Variants in SPATA16 observed in about 807,000 individuals in gnomAD.
SPATA16 encodes the protein spermatogenesis associated 16.
SPATA16 carries 36 observed loss-of-function variants against 63.3 expected under a neutral mutation model. The observed-to-expected ratio is 0.57, with a 90% confidence interval of 0.44 to 0.75. SPATA16 has a LOEUF of 0.75. Ranked by LOEUF, SPATA16 falls within the 30% of genes least tolerant of loss-of-function variation. SPATA16 has a pLI of 0.00. For missense variants in SPATA16, 646 were observed against 679.3 expected (o/e 0.95, Z 0.54); for synonymous variants, 203 against 216.7 (o/e 0.94, Z 0.56).
intron 4 of SPATA16, among the ~76,000 whole-genome samples, chr3:173,000,602 A>C (rs1734795691): frequency 6.6e-6 from 1 of 152,064 alleles, no homozygotes; most frequent in Non-Finnish European, 1.5e-5. Context: ...GGAAATTCTC[A>C]GTTACTTCAA....
chr3:173,139,567 C>T lies in SPATA16; in HGVS notation c.-19+1536G>A, dbSNP rs148456371. ...GCACTGCTTTTGTTACTATGGCCTA[C>T]AATTGTTGGGGTACCTATTCATTTA... On this transcript the variant is annotated intron_variant, in intron 1 of 10. Coordinates refer to ENST00000351008, the MANE Select transcript of SPATA16 (RefSeq NM_031955.6). 3.3e-5 allele frequency among the ~76,000 whole-genome samples: 5 copies of T among 152,304 alleles called. No homozygotes were observed. In the East Asian group the frequency reaches 7.7e-4, roughly 24 times the overall value.
chr3:173,006,694 C>T (rs1175997972), intron 4 of SPATA16, among the ~76,000 whole-genome samples: 1 of 152,272 alleles, frequency 6.6e-6, no homozygotes, highest in East Asian at 1.9e-4. Flanking sequence ...TACAGTACTT[C>T]TTCTGAGTGA....
At chr3:172,918,759 G>C (rs1044637338) in intron 8 of SPATA16, among the ~76,000 whole-genome samples, 5 of 152,118 alleles carry the variant, frequency 3.3e-5, no homozygotes, top group Non-Finnish European at 7.4e-5. Context: ...TTAGCTGCTG[G>C]AGAGAGTGTA....
At chr3:173,016,092 G>A (rs1735180475) in intron 4 of SPATA16, among the ~76,000 whole-genome samples, 1 of 152,174 alleles carries the variant, frequency 6.6e-6, no homozygotes, top group Non-Finnish European at 1.5e-5. Flanking sequence ...GTCTGAAAAT[G>A]TGATTTTATC....
At chr3:172,971,927 CCTGTGGT>C (rs1734055503) in intron 5 of SPATA16, among the ~76,000 whole-genome samples, 1 of 152,098 alleles carries the variant, frequency 6.6e-6, no homozygotes, top group African/African-American at 2.4e-5. Context: ...AGAGTCTTAG[CCTGTGGT>C]CTGTGAACCC....
intron 2 of SPATA16, among the ~76,000 whole-genome samples, chr3:173,060,720 T>C (rs1397894087): frequency 6.6e-6 from 1 of 152,232 alleles, no homozygotes; most frequent in African/African-American, 2.4e-5. Flanking sequence ...GATGCTAGAA[T>C]TGATTTGTTA....
At chr3:173,040,747 A>C (rs1195347365) in intron 3 of SPATA16, among the ~76,000 whole-genome samples, 1 of 152,186 alleles carries the variant, frequency 6.6e-6, no homozygotes, top group Non-Finnish European at 1.5e-5. Flanking sequence ...GCTGGGATGT[A>C]GTTTATTTGC....
intron 10 of SPATA16, among the ~76,000 whole-genome samples, chr3:172,891,407 G>A (rs544324050): frequency 1.4e-4 from 21 of 152,230 alleles, no homozygotes; most frequent in East Asian, 1.9e-4. Flanking sequence ...AAAGAATTCC[G>A]CTGAATTAAC....
chr3:172,909,323 C>T (rs985533906), intron 10 of SPATA16, among the ~76,000 whole-genome samples: 1 of 152,134 alleles, frequency 6.6e-6, no homozygotes, highest in South Asian at 2.1e-4. Flanking sequence ...TTGATTCTTC[C>T]AACTCTTGGA....
At chr3:172,894,042 T>G (rs1243655608) in intron 10 of SPATA16, among the ~76,000 whole-genome samples, 1 of 152,200 alleles carries the variant, frequency 6.6e-6, no homozygotes, top group African/African-American at 2.4e-5. Flanking sequence ...TTTATATGAA[T>G]GTAGTGGTAG....
chr3:173,112,419 A>G (rs1737771684), intron 2 of SPATA16, among the ~76,000 whole-genome samples: 1 of 152,114 alleles, frequency 6.6e-6, no homozygotes. Context: ...TGTATTTCCA[A>G]CCAACTCACA....
intron 2 of SPATA16, among the ~76,000 whole-genome samples, chr3:173,056,143 T>C (rs1337137496): frequency 1.3e-5 from 2 of 152,238 alleles, no homozygotes; most frequent in Non-Finnish European, 2.9e-5. Context: ...CAAGCCATTA[T>C]AGAAGCATAC....
chr3:172,927,767 C>G (rs909717912), intron 6 of SPATA16, among the ~76,000 whole-genome samples: 2 of 152,098 alleles, frequency 1.3e-5, no homozygotes, highest in African/African-American at 2.4e-5. Flanking sequence ...TTATAAAAAT[C>G]GACGGGAAAC....
rs117790681 is a variant in SPATA16 at position 172,951,546 on chromosome 3, A to G, written c.1081+5131T>C. On this transcript the variant is annotated intron_variant, in intron 6 of 10. Coordinates refer to ENST00000351008, the MANE Select transcript of SPATA16 (RefSeq NM_031955.6). ...ATACATTTCAGAATGAATTAATTTT[A>G]TACTTTTCCCCCTTGTGTCTGTTTT... Among the ~76,000 whole-genome samples the G allele has an allele frequency of 1.6e-3, 246 of 152,320 alleles. 7 individuals are homozygous for G. The East Asian group carries it at 0.045, about 28-fold the overall frequency.
chr3:172,902,845 C>G (rs1163128917), intron 10 of SPATA16, among the ~76,000 whole-genome samples: 2 of 152,186 alleles, frequency 1.3e-5, no homozygotes, highest in African/African-American at 4.8e-5. Flanking sequence ...AGTCTTGTCC[C>G]CTTCTCCACA....
In SPATA16 at chr3:173,117,180, G is replaced by T; in HGVS notation, c.552C>A (p.Ser184Arg). 6.2e-7 allele frequency: 1 copy of T among 1,614,138 alleles called. No homozygotes were observed. Among genetic ancestry groups the T allele is most frequent in the Non-Finnish European group, 8.5e-7 (1 of 1,179,998 alleles). ...KWLQVALKDASSCYRQKKYAL... is the reference protein window; with the variant it reads ...KWLQVALKDARSCYRQKKYAL... The stretch of plus-strand genomic sequence containing the variant: ...CGTATTTCTTTTGTCTATAGCAAGA[G>T]CTGGCATCCTTTAAGGCTACCTGAA... The change falls in exon 2 of 11, where the codon AGC (serine) becomes AGA (arginine). Residue 184 changes from serine (S) to arginine (R), a missense_variant. By Grantham distance (110) the Ser-to-Arg change is moderately radical. Transcript: ENST00000351008.
intron 6 of SPATA16, among the ~76,000 whole-genome samples, chr3:172,939,285 A>G (rs921094839): frequency 6.6e-6 from 1 of 152,014 alleles, no homozygotes; most frequent in Non-Finnish European, 1.5e-5. Context: ...CCTACTATAA[A>G]CCTTGATGTA....
intron 1 of SPATA16, among the ~76,000 whole-genome samples, chr3:173,139,047 C>T (rs905382687): frequency 6.6e-6 from 1 of 152,102 alleles, no homozygotes; most frequent in Non-Finnish European, 1.5e-5. Context: ...TCAGTCATAG[C>T]CATTGGGTTC....
intron 4 of SPATA16, among the ~76,000 whole-genome samples, chr3:173,019,125 T>A (rs188492962): frequency 4.3e-4 from 66 of 152,294 alleles, no homozygotes; most frequent in Non-Finnish European, 5.9e-5. Context: ...TTTCACGTGA[T>A]TGGATTTCCT....
Sources: allele counts gnomAD v4.1 joint callset (sites outside exome capture counted in the v4.1 genomes callset), GRCh38; gene constraint gnomAD v4.1.1; transcripts MANE v1.5; gene names NCBI Gene and HGNC (gene_info 2026-07-23, HGNC 2026-07-21).